SNTG1: variants seen among roughly 807,000 people sequenced by gnomAD.
SNTG1 encodes syntrophin gamma 1.
Under a neutral mutation model 74.7 loss-of-function variants are expected in SNTG1, and 39 were observed. That is an observed-to-expected ratio of 0.52 (90% confidence interval 0.40 to 0.68). The LOEUF is 0.68. Ranked by LOEUF, SNTG1 falls within the 30% of genes least tolerant of loss-of-function variation. The pLI is 0.00. For missense variants in SNTG1, 685 were observed against 609.5 expected (o/e 1.12, Z -1.30); for synonymous variants, 254 against 217.1 (o/e 1.17, Z -1.49).
At chr8:50,256,995 G>T (rs1430805562) in intron 2 of SNTG1, among the ~76,000 whole-genome samples, 1 of 152,046 alleles carries the variant, frequency 6.6e-6, no homozygotes, top group Non-Finnish European at 1.5e-5. Context: ...GGCCAAGAAG[G>T]CATGGCTTTG....
At chr8:50,462,991 A>G (rs1323888968) in intron 8 of SNTG1, among the ~76,000 whole-genome samples, 1 of 151,414 alleles carries the variant, frequency 6.6e-6, no homozygotes, top group African/African-American at 2.4e-5. Flanking sequence ...TAATTTTTGT[A>G]TTTTTAGTAG....
Position 50,163,105 on chromosome 8 carries a change from G to A in SNTG1, c.-102-9456G>A, listed in dbSNP as rs962982999. On this transcript the variant is annotated intron_variant, in intron 1 of 18. Transcript: ENST00000642720. ...CTAGGTCCCAGTTCACTCTTCAGAAGAGAGGCCTCTCCCTTCACCCTCCAG... is the reference window on the plus strand; with the variant it reads ...CTAGGTCCCAGTTCACTCTTCAGAAAAGAGGCCTCTCCCTTCACCCTCCAG... 1.1e-4 allele frequency among the ~76,000 whole-genome samples: 16 copies of A among 152,256 alleles called. No homozygotes were observed. The East Asian group carries it at 2.9e-3, about 28-fold the overall frequency.
intron 11 of SNTG1, among the ~76,000 whole-genome samples, chr8:50,551,163 C>A (rs376954958): frequency 5.0e-4 from 76 of 152,120 alleles, no homozygotes; most frequent in Admixed American, 1.5e-3. Flanking sequence ...GTAATGGAGG[C>A]CCCAGATAAC....
intron 1 of SNTG1, among the ~76,000 whole-genome samples, chr8:50,081,306 G>C (rs1822383836): frequency 6.6e-6 from 1 of 152,042 alleles, no homozygotes; most frequent in South Asian, 2.1e-4. Flanking sequence ...TAATCATGTT[G>C]TATATGATTG....
chr8:50,671,367 TC>T (rs1324013981), intron 15 of SNTG1, among the ~76,000 whole-genome samples: 58 of 151,344 alleles, frequency 3.8e-4, no homozygotes, highest in African/African-American at 1.3e-3. Context: ...AACAACCCCA[TC>T]AAAAAGTGGG....
At chr8:50,058,214 G>A (rs1292044273) in intron 1 of SNTG1, among the ~76,000 whole-genome samples, 1 of 152,120 alleles carries the variant, frequency 6.6e-6, no homozygotes, top group East Asian at 1.9e-4. Context: ...CTGCAAGCAT[G>A]ATCTATGGAA....
At chr8:50,004,816 A>C (rs1167594822) in intron 1 of SNTG1, among the ~76,000 whole-genome samples, 1 of 152,202 alleles carries the variant, frequency 6.6e-6, no homozygotes, top group Non-Finnish European at 1.5e-5. Flanking sequence ...ATGGCTACTT[A>C]GAACTAAAAG....
chr8:50,505,756 C>T (rs1476752563), intron 9 of SNTG1, among the ~76,000 whole-genome samples: 3 of 152,208 alleles, frequency 2.0e-5, no homozygotes, highest in Admixed American at 6.5e-5. Context: ...TGGCTATTAA[C>T]GTATTACCAG....
At chr8:50,436,502 G>C (rs574605458) in intron 4 of SNTG1, among the ~76,000 whole-genome samples, 1 of 151,974 alleles carries the variant, frequency 6.6e-6, no homozygotes, top group African/African-American at 2.4e-5. Context: ...TCTATGCCAG[G>C]GTCTTTTACA....
At chr8:50,272,932 C>G (rs1047940275) in intron 2 of SNTG1, among the ~76,000 whole-genome samples, 1 of 150,690 alleles carries the variant, frequency 6.6e-6, no homozygotes, top group African/African-American at 2.4e-5. Context: ...ATTCTAGAGA[C>G]AGAGTCTCGC....
At position 50,709,053 on chromosome 8, in the gene SNTG1, C is replaced by G. The variant is rs186924590; in HGVS notation, c.1284+75C>G. On this transcript the variant is annotated intron_variant, in intron 17 of 18. Coordinates refer to ENST00000642720, the MANE Select transcript of SNTG1 (RefSeq NM_018967.5). The stretch of plus-strand genomic sequence containing the variant: ...GAAGAATGATTTAAATGCCTCATAA[C>G]TCCTTTCAGCATTTTAATTGTAATC... 43 of 1,011,768 alleles carry G rather than the reference C, an allele frequency of 4.2e-5. No homozygotes were observed. The African/African-American group carries it at 6.3e-4, about 15-fold the overall frequency. The allele number at this position is 1,011,768 out of a possible 1,614,324, so 62.7% of individuals were successfully genotyped here.
intron 18 of SNTG1, among the ~76,000 whole-genome samples, chr8:50,785,480 A>G (rs1389593040): frequency 6.6e-6 from 1 of 152,068 alleles, no homozygotes; most frequent in Non-Finnish European, 1.5e-5. Context: ...AGATAAATCA[A>G]TAATTGGAAT....
chr8:49,938,763 A>C lies in SNTG1; in HGVS notation c.-103+26532A>C, dbSNP rs1808412813. On this transcript the variant is annotated intron_variant, in intron 1 of 18. Coordinates refer to ENST00000642720, the MANE Select transcript of SNTG1 (RefSeq NM_018967.5). Reference sequence around the variant, plus strand: ...TTATTTTTTTCCTATGAAAATATAAATTTAAACTAGATAACATATTTTGAC... The same window carrying C: ...TTATTTTTTTCCTATGAAAATATAACTTTAAACTAGATAACATATTTTGAC... Among the ~76,000 whole-genome samples, 4 of 150,220 alleles carry C rather than the reference A, an allele frequency of 2.7e-5. No homozygotes were observed. In the Admixed American group the frequency reaches 2.7e-4, roughly 10 times the overall value.
chr8:50,265,825 AC>A (rs1243912274), intron 2 of SNTG1, among the ~76,000 whole-genome samples: 17 of 152,218 alleles, frequency 1.1e-4, no homozygotes, highest in African/African-American at 2.4e-4. Context: ...AAATAAAAAA[AC>A]AATTACATTT....
chr8:50,191,493 G>C (rs2083575719), intron 2 of SNTG1, among the ~76,000 whole-genome samples: 1 of 152,082 alleles, frequency 6.6e-6, no homozygotes, highest in African/African-American at 2.4e-5. Context: ...ACTATCTTTG[G>C]TTAATCAGCT....
Position 50,718,495 on chromosome 8 carries a change from A to C in SNTG1, c.1284+9517A>C, listed in dbSNP as rs544260925. ...TGGACAGGCTAATTTATACGGCTGC[A>C]GTTCGGATGGTTCTCTCGAACATCC... On this transcript the variant is annotated intron_variant, in intron 17 of 18. Coordinates refer to ENST00000642720, the MANE Select transcript of SNTG1 (RefSeq NM_018967.5). Among the ~76,000 whole-genome samples the C allele has an allele frequency of 2.4e-4, 37 of 152,330 alleles. No individual in the cohort carries two copies. In the Middle Eastern group the frequency reaches 0.014, roughly 56 times the overall value.
intron 8 of SNTG1, among the ~76,000 whole-genome samples, chr8:50,466,191 G>A (rs2093607178): frequency 6.6e-6 from 1 of 151,902 alleles, no homozygotes; most frequent in African/African-American, 2.4e-5. Context: ...TTAAATTTAG[G>A]TCTATTATTA....
At chr8:50,499,019 T>G (rs310560) in intron 8 of SNTG1, among the ~76,000 whole-genome samples, 7,423 of 151,838 alleles carry the variant, frequency 0.049, 245 homozygotes, top group Middle Eastern at 0.085. Flanking sequence ...TGATTATAGT[T>G]TCTTTATATC....
At position 50,178,358 on chromosome 8, in the gene SNTG1, CTT is replaced by C. The variant is rs33912042; in HGVS notation, c.-28+5734_-28+5735del. On this transcript the variant is annotated intron_variant, in intron 2 of 18. Transcript: ENST00000642720. ...TCTTCTTCTGGTCTCTTCCTCCTCT[CTT>C]TTTTTTTTTTCTGTCACTTTCTGTC... Among the ~76,000 whole-genome samples, 26 of 145,784 alleles carry C rather than the reference CTT, an allele frequency of 1.8e-4. 1 individual carries two copies. Among genetic ancestry groups the C allele is most frequent in the African/African-American group, 5.8e-4 (23 of 39,800 alleles).
Sources: gnomAD v4.1 joint callset for allele counts (sites outside exome capture counted in the v4.1 genomes callset) on GRCh38, gnomAD v4.1.1 for gene constraint, MANE v1.5 for transcripts, NCBI Gene and HGNC (gene_info 2026-07-23, HGNC 2026-07-21) for gene names.